Variants in PCGF3 observed in about 807,000 individuals in gnomAD.
PCGF3 encodes the protein polycomb group ring finger 3.
In PCGF3, 7 loss-of-function variants were observed where a neutral mutation model predicts 33.1. The ratio of observed to expected loss-of-function variants is 0.21; its 90% confidence interval spans 0.12 to 0.40. The LOEUF (loss-of-function observed/expected upper bound fraction) is 0.40, where lower values mean the gene tolerates loss of function less well. Among genes scored for constraint, PCGF3 ranks in the 10% least tolerant of loss-of-function variants. PCGF3 has a pLI of 1.00. For missense variants in PCGF3, 211 were observed against 313.3 expected, an observed-to-expected ratio of 0.67 and a Z score of 2.46; for synonymous variants, 153 against 121.3, an observed-to-expected ratio of 1.26 and a Z score of -1.72.
chr4:761,329 G>A (rs1470972715), exon 9 of PCGF3: 2 of 1,609,496 alleles, frequency 1.2e-6, no homozygotes, highest in East Asian at 4.5e-5. Context: ...GGCTGAAGCG[G>A]AAGTGGATCC....
chr4:731,687 C>T (rs559485154), intron 3 of PCGF3, among the ~76,000 whole-genome samples: 9 of 30,500 alleles, frequency 3.0e-4, no homozygotes, highest in African/African-American at 9.7e-4. Flanking sequence ...TCCTCAGGGG[C>T]GTAGGGCGGG....
chr4:730,952 G>T lies in PCGF3; in HGVS notation c.-150-18G>T, dbSNP rs1276376269. 1 of 398,382 alleles carries T rather than the reference G, an allele frequency of 2.5e-6. No homozygotes were observed. The highest frequency in any genetic ancestry group is 3.6e-5 in the East Asian group (1 of 28,062). 24.7% of individuals were successfully genotyped at this position (398,382 alleles called of 1,614,324 possible). A position where few individuals can be genotyped will look rare whatever the true frequency, so the allele number is the denominator to read the frequency against. On this transcript the variant is annotated intron_variant, in intron 2 of 10. Transcript: ENST00000362003. The stretch of plus-strand genomic sequence containing the variant: ...TCCATGACGCGAAGTGAACTAACAG[G>T]TGCCGTTTCTGTGCTAGAAAATGGA...
At chr4:767,680 A>G (rs1745441728) in exon 11 of PCGF3, 1 of 152,306 alleles carries the variant, frequency 6.6e-6, no homozygotes, top group Non-Finnish European at 1.5e-5. Context: ...AGGCCTTTTA[A>G]AACAAAAGCA....
intron 1 of PCGF3, among the ~76,000 whole-genome samples, chr4:726,943 T>C (rs1473764943): frequency 1.3e-5 from 2 of 152,182 alleles, no homozygotes; most frequent in Admixed American, 6.5e-5. Flanking sequence ...GCCTGGACTG[T>C]GTGTGCCTGT....
intron 8 of PCGF3, among the ~76,000 whole-genome samples, chr4:760,558 G>A (rs1017031498): frequency 2.6e-5 from 4 of 152,160 alleles, no homozygotes; most frequent in Admixed American, 2.6e-4. Context: ...AGACATACAT[G>A]TTTCAGTTAA....
chr4:706,940 C>T (rs901284168), intron 1 of PCGF3, among the ~76,000 whole-genome samples: 6 of 147,184 alleles, frequency 4.1e-5, no homozygotes, highest in East Asian at 2.1e-4. Flanking sequence ...GCAAAGACCC[C>T]AGCCCAGGCA....
rs1248789772 is a variant in PCGF3 at position 734,165 on chromosome 4, G to A, written c.109+376G>A. 10 of 1,505,832 alleles carry A rather than the reference G, an allele frequency of 6.6e-6. 1 individual carries two copies. Among genetic ancestry groups the A allele is most frequent in the Admixed American group, 6.0e-5 (3 of 49,898 alleles). 93.3% of individuals were successfully genotyped at this position (1,505,832 alleles called of 1,614,324 possible). On this transcript the variant is annotated intron_variant, in intron 4 of 10. Coordinates refer to ENST00000362003, the Ensembl canonical transcript of PCGF3. The stretch of plus-strand genomic sequence containing the variant: ...CCAGTGTGTTCTTCACACCTGATGT[G>A]CGTCCTCACACCTGATGAGTCTGTG...
At chr4:713,553 CTGTGGCCTCATGGATCCTG>C (rs1742676536) in intron 1 of PCGF3, among the ~76,000 whole-genome samples, 1 of 151,114 alleles carries the variant, frequency 6.6e-6, no homozygotes, top group Non-Finnish European at 1.5e-5. Context: ...CTCGTCAGGG[CTGTGGCCTCATGGATCCTG>C]TGTGGCCTCG....
At chr4:741,959 C>T (rs1461231253) in intron 6 of PCGF3, among the ~76,000 whole-genome samples, 4 of 152,102 alleles carry the variant, frequency 2.6e-5, no homozygotes. Context: ...TCTTGCAGGC[C>T]TCCATTCCAG....
chr4:740,830 C>G (rs758338189), intron 6 of PCGF3, among the ~76,000 whole-genome samples: 1 of 152,174 alleles, frequency 6.6e-6, no homozygotes, highest in Non-Finnish European at 1.5e-5. Flanking sequence ...CCCGTAAGCC[C>G]GTCCGTGGTG....
intron 10 of PCGF3, among the ~76,000 whole-genome samples, chr4:765,627 G>A (rs1266868111): frequency 6.6e-6 from 1 of 152,162 alleles, no homozygotes; most frequent in Non-Finnish European, 1.5e-5. Context: ...GGGCCCCTCT[G>A]AAGCAGGAAA....
intron 8 of PCGF3, among the ~76,000 whole-genome samples, chr4:756,837 C>G (rs1744791053): frequency 1.3e-5 from 2 of 152,104 alleles, no homozygotes; most frequent in African/African-American, 4.8e-5. Flanking sequence ...GCCGGGGGCT[C>G]TGAGGTGATG....
chr4:716,124 T>C (rs1169369758), intron 1 of PCGF3, among the ~76,000 whole-genome samples: 1 of 113,264 alleles, frequency 8.8e-6, no homozygotes, highest in Non-Finnish European at 1.9e-5. Flanking sequence ...GGGTGAGAAC[T>C]GGGTGTCAGT....
At position 720,071 on chromosome 4, in the gene PCGF3, G is replaced by A. The variant is rs763619588; in HGVS notation, c.-189-10559G>A. Among the ~76,000 whole-genome samples, 4 of 152,206 alleles carry A rather than the reference G, an allele frequency of 2.6e-5. No homozygotes were observed. The highest frequency in any genetic ancestry group is 4.4e-5 in the Non-Finnish European group (3 of 68,030). ...AATGAAAACAGGTTTTGCAGAGCCC[G>A]TTGGTGAAGGCAGGGGTGCCTCTGG... On this transcript the variant is annotated intron_variant, in intron 1 of 10. Coordinates refer to ENST00000362003, the Ensembl canonical transcript of PCGF3. The surrounding 1 kb of genome is among the most constrained non-coding windows in gnomAD (Gnocchi z 5.6).
intron 1 of PCGF3, among the ~76,000 whole-genome samples, chr4:725,382 G>A (rs1164020136): frequency 2.6e-5 from 4 of 152,278 alleles, no homozygotes; most frequent in African/African-American, 9.6e-5. Context: ...TTGTGGACTA[G>A]ACGTGGGGTG....
At chr4:727,866 G>T (rs1022381465) in intron 1 of PCGF3, among the ~76,000 whole-genome samples, 1 of 152,280 alleles carries the variant, frequency 6.6e-6, no homozygotes, top group South Asian at 2.1e-4. Flanking sequence ...TTGGAAAAAG[G>T]CTCCTTTTAG....
intron 8 of PCGF3, among the ~76,000 whole-genome samples, chr4:758,318 G>A (rs1744867971): frequency 6.6e-6 from 1 of 150,552 alleles, no homozygotes; most frequent in Non-Finnish European, 1.5e-5. Flanking sequence ...CTCCCCGCGC[G>A]GCCCCTCTCC....
intron 8 of PCGF3, among the ~76,000 whole-genome samples, chr4:752,712 C>G (rs947102712): frequency 6.6e-6 from 1 of 152,216 alleles, no homozygotes; most frequent in Non-Finnish European, 1.5e-5. Context: ...TGTGCAGCCT[C>G]CTCCGGTTCC....
intron 1 of PCGF3, among the ~76,000 whole-genome samples, chr4:718,645 C>T (rs1456922217): frequency 6.6e-6 from 1 of 152,178 alleles, no homozygotes; most frequent in South Asian, 2.1e-4. Flanking sequence ...GGTCGGCTGG[C>T]TCTGGCTGGG....
Sources: allele counts gnomAD v4.1 joint callset (sites outside exome capture counted in the v4.1 genomes callset), GRCh38; gene constraint gnomAD v4.1.1; non-coding constraint Gnocchi (gnomAD v3.1); transcripts MANE v1.5; gene names NCBI Gene and HGNC (gene_info 2026-07-23, HGNC 2026-07-21).